CREB5: variants seen among roughly 807,000 people sequenced by gnomAD.
CREB5 encodes the protein cyclic AMP-responsive element-binding protein 5.
In CREB5, 19 loss-of-function variants were observed where a neutral mutation model predicts 57.1. The ratio of observed to expected loss-of-function variants is 0.33; its 90% CI spans 0.23 to 0.49. CREB5 has a LOEUF of 0.49. Among genes scored for constraint, CREB5 ranks in the 20% least tolerant of loss-of-function variants. The pLI is 0.99. For synonymous variants in CREB5, 238 were observed against 238.3 expected (o/e 1.00, Z 0.01); for missense variants, 579 against 671.6 (o/e 0.86, Z 1.52).
At chr7:28,723,681 T>C (rs1803174084) in intron 6 of CREB5, among the ~76,000 whole-genome samples, 1 of 152,188 alleles carries the variant, frequency 6.6e-6, no homozygotes, top group South Asian at 2.1e-4. Context: ...CTGAGAGTGT[T>C]GCTTTTAAAA....
At chr7:28,711,778 T>C (rs1583593814) in intron 5 of CREB5, among the ~76,000 whole-genome samples, 1 of 152,346 alleles carries the variant, frequency 6.6e-6, no homozygotes, top group Admixed American at 6.5e-5. Context: ...TTGATGGATT[T>C]TTAAAGAAAT....
At chr7:28,430,248 A>G (rs1788662440) in intron 1 of CREB5, among the ~76,000 whole-genome samples, 1 of 152,210 alleles carries the variant, frequency 6.6e-6, no homozygotes, top group Non-Finnish European at 1.5e-5. Context: ...CCCCATCTTT[A>G]TAGTTAACAT....
At chr7:28,647,791 C>T (rs1243094712) in intron 5 of CREB5, among the ~76,000 whole-genome samples, 1 of 151,856 alleles carries the variant, frequency 6.6e-6, no homozygotes, top group Non-Finnish European at 1.5e-5. Flanking sequence ...TTAATTTTAC[C>T]CAATTTGGGC....
chr7:28,628,272 A>C (rs1326734652), intron 5 of CREB5, among the ~76,000 whole-genome samples: 1 of 152,014 alleles, frequency 6.6e-6, no homozygotes, highest in East Asian at 2.0e-4. Flanking sequence ...AAATGATAAG[A>C]CTGAGCAGGT....
rs533100168 is a variant in CREB5, at chr7:28,611,936, G to T, written c.464+41399G>T. Among the ~76,000 whole-genome samples, 30 of 152,080 alleles carry T rather than the reference G, an allele frequency of 2.0e-4. No homozygotes were observed. The South Asian group carries it at 6.0e-3, about 31-fold the overall frequency. On this transcript the variant is annotated intron_variant, in intron 5 of 10. Transcript: ENST00000357727. ...GACCTCCCTAAAGCAACAAAGAAAA[G>T]AAAAGAAGGAAAAGTAAGTAATACT...
intron 7 of CREB5, among the ~76,000 whole-genome samples, chr7:28,794,150 T>TA (rs1211227170): frequency 6.6e-6 from 1 of 152,214 alleles, no homozygotes; most frequent in Non-Finnish European, 1.5e-5. Flanking sequence ...TGTTTCTGAT[T>TA]AAAAGTTCAT....
intron 7 of CREB5, among the ~76,000 whole-genome samples, chr7:28,788,133 T>C (rs1807444406): frequency 1.3e-5 from 2 of 152,164 alleles, no homozygotes; most frequent in Admixed American, 1.3e-4. Context: ...ATTATTGACA[T>C]TCTGGGCTGG....
chr7:28,663,690 G>A (rs796958270), intron 5 of CREB5, among the ~76,000 whole-genome samples: 1 of 152,242 alleles, frequency 6.6e-6, no homozygotes, highest in African/African-American at 2.4e-5. Context: ...TATAATCCTA[G>A]TATTTATTTT....
At chr7:28,400,248 C>T (rs945544937) in intron 1 of CREB5, among the ~76,000 whole-genome samples, 9 of 152,184 alleles carry the variant, frequency 5.9e-5, no homozygotes, top group South Asian at 2.1e-4. Flanking sequence ...TTATTACCTG[C>T]GTGACCTTAT....
At chr7:28,541,187 T>G (rs1293689056) in intron 4 of CREB5, among the ~76,000 whole-genome samples, 2 of 152,204 alleles carry the variant, frequency 1.3e-5, no homozygotes, top group Non-Finnish European at 2.9e-5. Flanking sequence ...TAAGTACGGA[T>G]GAGAAGTATA....
intron 1 of CREB5, among the ~76,000 whole-genome samples, chr7:28,441,126 G>A (rs930672713): frequency 1.3e-5 from 2 of 152,056 alleles, no homozygotes; most frequent in South Asian, 2.1e-4. Flanking sequence ...AGAAGACTTC[G>A]GAGCTTGATT....
chr7:28,724,633 T>C (rs1451035016), intron 7 of CREB5: 1 of 237,466 alleles, frequency 4.2e-6, no homozygotes, highest in Non-Finnish European at 8.2e-6. Context: ...TTGCTCAGCA[T>C]GTGAAATAAT....
At chr7:28,674,414 G>C (rs913917531) in intron 5 of CREB5, among the ~76,000 whole-genome samples, 3 of 152,162 alleles carry the variant, frequency 2.0e-5, no homozygotes, top group Non-Finnish European at 4.4e-5. Flanking sequence ...ACTCTTTCCT[G>C]TCCACTTCCT....
intron 4 of CREB5, among the ~76,000 whole-genome samples, chr7:28,562,113 C>G (rs1201907327): frequency 6.6e-6 from 1 of 152,222 alleles, no homozygotes; most frequent in Non-Finnish European, 1.5e-5. Flanking sequence ...ACGTCAATCA[C>G]AGAAATTTGC....
intron 7 of CREB5, among the ~76,000 whole-genome samples, chr7:28,730,100 T>TTATG (rs1159840407): frequency 2.0e-5 from 3 of 152,226 alleles, no homozygotes; most frequent in Non-Finnish European, 4.4e-5. Context: ...AATCAAGCAC[T>TTATG]TATGTATGTG....
chr7:28,815,783 G>A (rs1226028119), intron 9 of CREB5, among the ~76,000 whole-genome samples: 1 of 152,136 alleles, frequency 6.6e-6, no homozygotes, highest in African/African-American at 2.4e-5. Context: ...ATGGCCACAG[G>A]CAGGGGTGTT....
intron 5 of CREB5, among the ~76,000 whole-genome samples, chr7:28,651,157 A>G (rs1799114517): frequency 6.6e-6 from 1 of 152,174 alleles, no homozygotes; most frequent in South Asian, 2.1e-4. Context: ...TAAAACCAAT[A>G]TATCTTTGAA....
At chr7:28,512,427 T>C (rs1350646216) in intron 4 of CREB5, among the ~76,000 whole-genome samples, 5 of 152,064 alleles carry the variant, frequency 3.3e-5, no homozygotes, top group Non-Finnish European at 7.4e-5. Context: ...GTATGAAGAA[T>C]GAAATCAAGT....
At chr7:28,371,661 G>A (rs1340905836) in intron 1 of CREB5, among the ~76,000 whole-genome samples, 4 of 152,158 alleles carry the variant, frequency 2.6e-5, no homozygotes, top group African/African-American at 2.4e-5. Context: ...CATCCAGGAC[G>A]GAGGCTGCCA....
Sources: allele counts gnomAD v4.1 joint callset (sites outside exome capture counted in the v4.1 genomes callset), GRCh38; gene constraint gnomAD v4.1.1; transcripts MANE v1.5; gene names NCBI Gene and HGNC (gene_info 2026-07-23, HGNC 2026-07-21).